The following RBFOX1 variants were observed in gnomAD, a reference collection of about 807,000 sequenced individuals.
RBFOX1 encodes RNA binding fox-1 homolog 1, also known as RNA binding protein fox-1 homolog 1.
A neutral mutation model predicts 57.7 loss-of-function variants in RBFOX1; 8 were observed. That is an observed-to-expected ratio of 0.14 (90% confidence interval 0.08 to 0.25). The LOEUF is 0.25. Among genes scored for constraint, RBFOX1 ranks in the 10% least tolerant of loss-of-function variants. The pLI is 1.00. For synonymous variants in RBFOX1, 326 were observed against 222.4 expected (o/e 1.47, Z -4.15); for missense variants, 611 against 548.5 (o/e 1.11, Z -1.14).
chr16:6,203,105 C>A (rs2097226619), intron 1 of RBFOX1, among the ~76,000 whole-genome samples: 1 of 151,386 alleles, frequency 6.6e-6, no homozygotes, highest in Admixed American at 6.6e-5. Context: ...GTGGTAAGAG[C>A]ACTTGAAAAA....
At position 7,091,661 on chromosome 16, in the gene RBFOX1, C is replaced by G. The variant is rs77980424; in HGVS notation, c.27+39563C>G. Among the ~76,000 whole-genome samples the G allele has an allele frequency of 5.9e-3, 891 of 152,278 alleles. 7 individuals carry two copies. The highest frequency in any genetic ancestry group is 0.01 in the Non-Finnish European group (702 of 68,018). On this transcript the variant is annotated intron_variant, in intron 4 of 15. Coordinates refer to ENST00000550418, the MANE Select transcript of RBFOX1 (RefSeq NM_018723.4). ...GCTCCAGTTCTCAGCCTGCTGTAAG[C>G]AAACTTGTGAAGTAGCTGCCTGTGG... is the stretch of plus-strand genomic sequence containing the variant.
chr16:5,543,003 T>G (rs753995591), intron 2 of RBFOX1, among the ~76,000 whole-genome samples: 1 of 152,166 alleles, frequency 6.6e-6, no homozygotes, highest in Non-Finnish European at 1.5e-5. Context: ...TTATAAGACA[T>G]TGGGTAGAGT....
At chr16:6,605,732 A>G (rs187995060) in intron 2 of RBFOX1, among the ~76,000 whole-genome samples, 1 of 152,342 alleles carries the variant, frequency 6.6e-6, no homozygotes, top group Non-Finnish European at 1.5e-5. Flanking sequence ...GGAGAGATTC[A>G]GTCCGTGTGT....
chr16:6,919,449 G>A (rs1016088438), intron 3 of RBFOX1, among the ~76,000 whole-genome samples: 7 of 111,130 alleles, frequency 6.3e-5, no homozygotes, highest in African/African-American at 2.3e-4. Flanking sequence ...GAACATAGAG[G>A]GTTTTTTTTT....
chr16:6,884,888 G>A (rs997490885), intron 3 of RBFOX1, among the ~76,000 whole-genome samples: 3 of 152,066 alleles, frequency 2.0e-5, no homozygotes, highest in African/African-American at 4.8e-5. Flanking sequence ...GCAGAGCAAG[G>A]CTCTCTTTCA....
At chr16:5,856,768 T>C (rs1331176110) in intron 3 of RBFOX1, among the ~76,000 whole-genome samples, 2 of 151,244 alleles carry the variant, frequency 1.3e-5, no homozygotes, top group East Asian at 3.9e-4. Flanking sequence ...TCAGCCTTCA[T>C]AGAATTGAAG....
chr16:5,755,925 A>G (rs762512394), intron 3 of RBFOX1, among the ~76,000 whole-genome samples: 2 of 152,120 alleles, frequency 1.3e-5, no homozygotes, highest in Admixed American at 1.3e-4. Context: ...CTGAGGGCAT[A>G]ATGAAGAGAG....
At chr16:5,875,102 G>T (rs958158988) in intron 4 of RBFOX1, among the ~76,000 whole-genome samples, 1 of 152,244 alleles carries the variant, frequency 6.6e-6, no homozygotes, top group Non-Finnish European at 1.5e-5. Context: ...GCGGGGAGAT[G>T]AGTAAGAACC....
At chr16:7,164,851 G>A (rs138917848) in intron 4 of RBFOX1, among the ~76,000 whole-genome samples, 258 of 152,206 alleles carry the variant, frequency 1.7e-3, no homozygotes, top group African/African-American at 5.4e-3. Context: ...ACATTGTCAG[G>A]TAACTGCAGG....
rs1240607037 is a variant in RBFOX1 at position 6,780,165 on chromosome 16, ATATTTT to A, written c.-16+125519_-16+125524del. On this transcript the variant is annotated intron_variant, in intron 3 of 15. Coordinates refer to ENST00000550418, the MANE Select transcript of RBFOX1 (RefSeq NM_018723.4). ...TATATATATTTATATATATATTTATATATTTTTATATATTTATATATATATTTATAT... is the reference window on the plus strand; with the variant it reads ...TATATATATTTATATATATATTTATATATATATTTATATATATATTTATAT... Among the ~76,000 whole-genome samples the A allele has an allele frequency of 1.0e-4, 4 of 38,342 alleles. 1 individual carries two copies. Among genetic ancestry groups the A allele is most frequent in the African/African-American group, 9.5e-4 (4 of 4,216 alleles). 25.2% of individuals were successfully genotyped at this position (38,342 alleles called of 152,430 possible). A position where few individuals can be genotyped will look rare whatever the true frequency, so the allele number is the denominator to read the frequency against.
At chr16:7,694,872 C>T (rs1266440858) in intron 14 of RBFOX1, among the ~76,000 whole-genome samples, 1 of 152,172 alleles carries the variant, frequency 6.6e-6, no homozygotes, top group Non-Finnish European at 1.5e-5. Flanking sequence ...ATAGATGCCT[C>T]AGTGCACTAG....
intron 1 of RBFOX1, among the ~76,000 whole-genome samples, chr16:5,432,550 T>TG (rs1306134559): frequency 7.6e-6 from 1 of 132,102 alleles, no homozygotes; most frequent in Non-Finnish European, 1.5e-5. Flanking sequence ...TTTTTTTTTT[T>TG]GTTTGTTTGT....
At chr16:6,249,374 A>C (rs749425208) in intron 1 of RBFOX1, among the ~76,000 whole-genome samples, 6 of 152,080 alleles carry the variant, frequency 3.9e-5, no homozygotes, top group Non-Finnish European at 8.8e-5. Context: ...ATAATACAAA[A>C]ATTAGCCAGA....
chr16:5,861,578 T>C (rs1194837960), intron 3 of RBFOX1, among the ~76,000 whole-genome samples: 3 of 152,220 alleles, frequency 2.0e-5, no homozygotes, highest in Non-Finnish European at 4.4e-5. Context: ...CTGTTATGCA[T>C]TTGGTTCTAT....
intron 4 of RBFOX1, among the ~76,000 whole-genome samples, chr16:7,505,791 G>A (rs1446892656): frequency 1.3e-5 from 2 of 152,166 alleles, no homozygotes; most frequent in East Asian, 1.9e-4. Flanking sequence ...AATGAGACAA[G>A]TAGCTTTGCT....
At chr16:6,997,930 C>T (rs1192885889) in intron 3 of RBFOX1, among the ~76,000 whole-genome samples, 1 of 151,952 alleles carries the variant, frequency 6.6e-6, no homozygotes, top group Non-Finnish European at 1.5e-5. Context: ...TAAAAGAATT[C>T]TCATGTCTAT....
intron 1 of RBFOX1, among the ~76,000 whole-genome samples, chr16:6,203,470 C>T (rs572071186): frequency 6.6e-6 from 1 of 152,268 alleles, no homozygotes; most frequent in East Asian, 1.9e-4. Flanking sequence ...ATGCCATTTT[C>T]TTTATCCATT....
rs549204433 is a variant in RBFOX1, at chr16:7,241,366, G to A, written c.27+189268G>A. ...GGCCCGTTGGACTATCTTGGAAAGA[G>A]CATGTGATTCCCTGTAGGATTAGGG... On this transcript the variant is annotated intron_variant, in intron 4 of 15. Coordinates refer to ENST00000550418, the MANE Select transcript of RBFOX1 (RefSeq NM_018723.4). Among the ~76,000 whole-genome samples the A allele has an allele frequency of 2.0e-5, 3 of 152,288 alleles. No individual in the cohort carries two copies. In the East Asian group the frequency reaches 5.8e-4, roughly 29 times the overall value.
chr16:6,852,984 C>T (rs939114816), intron 3 of RBFOX1, among the ~76,000 whole-genome samples: 2 of 152,138 alleles, frequency 1.3e-5, no homozygotes, highest in Non-Finnish European at 2.9e-5. Context: ...GAGCCCAGCA[C>T]CCTATGGATG....
Sources: gnomAD v4.1 joint callset for allele counts (sites outside exome capture counted in the v4.1 genomes callset) on GRCh38, gnomAD v4.1.1 for gene constraint, MANE v1.5 for transcripts, NCBI Gene and HGNC (gene_info 2026-07-23, HGNC 2026-07-21) for gene names.